The following CDH4 variants were observed in gnomAD, a reference collection of about 807,000 sequenced individuals.
The protein encoded by CDH4 is cadherin-4.
Under a neutral mutation model 86.0 loss-of-function variants are expected in CDH4, and 33 were observed. That is an observed-to-expected ratio of 0.38 (90% CI 0.29 to 0.51). The LOEUF is 0.51. Ranked by LOEUF, CDH4 falls within the 20% of genes least tolerant of loss-of-function variation. CDH4 has a pLI of 0.86. For synonymous variants in CDH4, 555 were observed against 549.4 expected, an observed-to-expected ratio of 1.01 and a Z score of -0.14; for missense variants, 1,114 against 1,307.4, an observed-to-expected ratio of 0.85 and a Z score of 2.28.
At chr20:61,490,485 G>A (rs1347030773) in intron 2 of CDH4, among the ~76,000 whole-genome samples, 17 of 152,206 alleles carry the variant, frequency 1.1e-4, no homozygotes, top group Admixed American at 1.1e-3. Flanking sequence ...TGGATCATGA[G>A]GTCAGGGGTT....
chr20:61,882,253 G>A (rs984857255), intron 7 of CDH4, among the ~76,000 whole-genome samples: 2 of 152,236 alleles, frequency 1.3e-5, no homozygotes, highest in Admixed American at 1.3e-4. Flanking sequence ...GCACGTGGGC[G>A]GTGCCACGCT....
In CDH4 at chr20:61,691,409, ATG is replaced by A. The variant is rs146401365; in HGVS notation, c.170-52149_170-52148del. 8.1e-3 allele frequency among the ~76,000 whole-genome samples: 1,216 copies of A among 150,746 alleles called. 4 individuals are homozygous for A. Among genetic ancestry groups the A allele is most frequent in the Non-Finnish European group, 0.013 (872 of 67,658 alleles). On this transcript the variant is annotated intron_variant, in intron 2 of 15. Transcript: ENST00000614565. ...TGTGTGGATGTGTGTGTGCAAGTGG[ATG>A]TGTGGATGTGTGTGTGCGTGTGCAT...
intron 7 of CDH4, among the ~76,000 whole-genome samples, chr20:61,883,104 G>GC (rs1984365982): frequency 7.7e-6 from 1 of 130,418 alleles, no homozygotes; most frequent in African/African-American, 2.8e-5. Context: ...GGCACCCCAA[G>GC]CCCACCCCGC....
chr20:61,680,602 C>G (rs925694553), intron 2 of CDH4, among the ~76,000 whole-genome samples: 3 of 152,138 alleles, frequency 2.0e-5, no homozygotes, highest in African/African-American at 7.2e-5. Context: ...GCCGAGCATC[C>G]CCCGAGGATA....
intron 7 of CDH4, among the ~76,000 whole-genome samples, chr20:61,881,330 C>T (rs1336835673): frequency 6.6e-6 from 1 of 152,256 alleles, no homozygotes; most frequent in Non-Finnish European, 1.5e-5. Context: ...AGGCTCCATT[C>T]CAGCGGTGGC....
At chr20:61,660,293 C>T (rs2087238955) in intron 2 of CDH4, among the ~76,000 whole-genome samples, 1 of 152,196 alleles carries the variant, frequency 6.6e-6, no homozygotes, top group South Asian at 2.1e-4. Flanking sequence ...CAGAAACGCC[C>T]GCAAGGCATC....
At chr20:61,696,145 G>T (rs2087712650) in intron 2 of CDH4, among the ~76,000 whole-genome samples, 2 of 152,226 alleles carry the variant, frequency 1.3e-5, no homozygotes, top group African/African-American at 4.8e-5. Flanking sequence ...TCTGTGCCAG[G>T]CTGGATTGTG....
chr20:61,530,218 A>T (rs907535284), intron 2 of CDH4, among the ~76,000 whole-genome samples: 1 of 152,050 alleles, frequency 6.6e-6, no homozygotes, highest in Non-Finnish European at 1.5e-5. Flanking sequence ...TTTAGTAGAG[A>T]TGGGATTTCA....
chr20:61,395,127 C>A (rs1020782085), intron 2 of CDH4, among the ~76,000 whole-genome samples: 4 of 151,618 alleles, frequency 2.6e-5, no homozygotes, highest in African/African-American at 4.8e-5. Context: ...GGGAGATGCA[C>A]CTTCAGCCTC....
chr20:61,905,020 G>T (rs183913226), intron 8 of CDH4, among the ~76,000 whole-genome samples: 2 of 152,192 alleles, frequency 1.3e-5, no homozygotes, highest in Non-Finnish European at 2.9e-5. Context: ...GGATTGTGCC[G>T]GAAGGCCCTC....
chr20:61,267,745 TC>T (rs2084164462), intron 2 of CDH4, among the ~76,000 whole-genome samples: 1 of 152,146 alleles, frequency 6.6e-6, no homozygotes. Context: ...AGAGGCACAC[TC>T]CCTCTGCTGA....
At chr20:61,721,746 C>T (rs1378280702) in intron 2 of CDH4, among the ~76,000 whole-genome samples, 1 of 152,154 alleles carries the variant, frequency 6.6e-6, no homozygotes, top group Non-Finnish European at 1.5e-5. Context: ...TCAAGGACCT[C>T]GTGAAGTATC....
intron 2 of CDH4, among the ~76,000 whole-genome samples, chr20:61,599,542 AAGAC>A (rs2086581876): frequency 6.6e-6 from 1 of 152,196 alleles, no homozygotes; most frequent in African/African-American, 2.4e-5. Flanking sequence ...GGATACGTGG[AAGAC>A]AGACCTAAGC....
chr20:61,611,566 G>A (rs895488462), intron 2 of CDH4, among the ~76,000 whole-genome samples: 1 of 152,076 alleles, frequency 6.6e-6, no homozygotes, highest in African/African-American at 2.4e-5. Flanking sequence ...CAGCTGAGTG[G>A]GGCTGGAGCT....
In CDH4 at chr20:61,923,544, T is replaced by A; in HGVS notation, c.1468T>A (p.Ser490Thr). ...LASGIQMSFQSTAGVTISIMD... is the reference protein window; with the variant it reads ...LASGIQMSFQTTAGVTISIMD... ...CAGCGGAATCCAGATGTCCTTCCAGTCCACGGCAGGGGTGACCATCTCCAT... is the reference window on the plus strand; with the variant it reads ...CAGCGGAATCCAGATGTCCTTCCAGACCACGGCAGGGGTGACCATCTCCAT... Residue 490 changes from serine to threonine, a missense_variant, in exon 10 of 16, where the codon TCC becomes ACC. By Grantham distance (58) the Ser-to-Thr change is moderately conservative. Coordinates refer to ENST00000614565, the MANE Select transcript of CDH4 (RefSeq NM_001794.5). The A allele has an allele frequency of 6.2e-7, 1 of 1,614,170 alleles. No individual in the cohort carries two copies. The highest frequency in any genetic ancestry group is 8.5e-7 in the Non-Finnish European group (1 of 1,180,026).
chr20:61,691,580 C>T (rs950391253), intron 2 of CDH4, among the ~76,000 whole-genome samples: 6 of 152,132 alleles, frequency 3.9e-5, no homozygotes, highest in Non-Finnish European at 2.9e-5. Flanking sequence ...ATTTCATCAC[C>T]GTACAAACAT....
At chr20:61,872,623 G>A (rs1983857211) in intron 6 of CDH4, among the ~76,000 whole-genome samples, 1 of 152,208 alleles carries the variant, frequency 6.6e-6, no homozygotes, top group Admixed American at 6.5e-5. Context: ...CATGAACGCT[G>A]CAGGGCCGGG....
chr20:61,367,350 C>T (rs376678637), intron 2 of CDH4, among the ~76,000 whole-genome samples: 2 of 152,000 alleles, frequency 1.3e-5, no homozygotes, highest in South Asian at 2.1e-4. Flanking sequence ...AATAAGTGGA[C>T]GAATGAGTAA....
At chr20:61,305,032 T>G (rs1286167686) in intron 2 of CDH4, among the ~76,000 whole-genome samples, 1 of 151,788 alleles carries the variant, frequency 6.6e-6, no homozygotes, top group Non-Finnish European at 1.5e-5. Context: ...GTGTGTTGTA[T>G]GTGTGTGTGT....
Sources: allele counts gnomAD v4.1 joint callset (sites outside exome capture counted in the v4.1 genomes callset), GRCh38; gene constraint gnomAD v4.1.1; transcripts MANE v1.5; gene names NCBI Gene and HGNC (gene_info 2026-07-23, HGNC 2026-07-21).